The following TACR3 variants were observed in gnomAD, a reference collection of about 807,000 sequenced individuals.
The protein encoded by TACR3 is neuromedin-K receptor.
Under a neutral mutation model 35.0 loss-of-function variants are expected in TACR3, and 34 were observed. The observed-to-expected ratio is 0.97, with a 90% confidence interval of 0.74 to 1.30. The LOEUF is 1.30. TACR3 is among the 50% of genes most tolerant of loss of function. The probability of loss-of-function intolerance (pLI) is 0.00; values close to 1 mark genes in which losing one functional copy is unlikely to be tolerated. For missense variants in TACR3, 558 were observed against 591.7 expected, an observed-to-expected ratio of 0.94 and a Z score of 0.59; for synonymous variants, 233 against 221.1, an observed-to-expected ratio of 1.05 and a Z score of -0.48.
chr4:103,708,986 C>T (rs1722871535), intron 1 of TACR3, among the ~76,000 whole-genome samples: 1 of 152,122 alleles, frequency 6.6e-6, no homozygotes, highest in Admixed American at 6.6e-5. Context: ...AACAAAGCCT[C>T]CAAGAAATAT....
At chr4:103,710,828 G>A (rs543201781) in intron 1 of TACR3, among the ~76,000 whole-genome samples, 1 of 152,266 alleles carries the variant, frequency 6.6e-6, no homozygotes, top group South Asian at 2.1e-4. Flanking sequence ...TGATCCCACG[G>A]AAATACGAAC....
At chr4:103,689,992 C>G (rs371285242) in intron 1 of TACR3, among the ~76,000 whole-genome samples, 2 of 151,932 alleles carry the variant, frequency 1.3e-5, no homozygotes, top group Admixed American at 1.3e-4. Flanking sequence ...ACAAGAGAGC[C>G]ATAATGAAAT....
At chr4:103,596,873 T>C (rs1250642837) in intron 3 of TACR3, among the ~76,000 whole-genome samples, 2 of 151,946 alleles carry the variant, frequency 1.3e-5, no homozygotes, top group African/African-American at 4.8e-5. Context: ...GTCCTTGCGA[T>C]AGTTTGCTGA....
At chr4:103,669,001 C>T (rs1027329458) in intron 1 of TACR3, among the ~76,000 whole-genome samples, 3 of 152,094 alleles carry the variant, frequency 2.0e-5, no homozygotes, top group African/African-American at 7.2e-5. Flanking sequence ...AAATCCACTC[C>T]TCTAGTTATT....
At chr4:103,686,406 A>C (rs150704292) in intron 1 of TACR3, among the ~76,000 whole-genome samples, 1 of 152,186 alleles carries the variant, frequency 6.6e-6, no homozygotes, top group South Asian at 2.1e-4. Context: ...AACCTTTAGA[A>C]ACCAGTCTTA....
Position 103,644,214 on chromosome 4 carries a change from TC to T in TACR3, c.888+11979del, listed in dbSNP as rs1470296601. The stretch of plus-strand genomic sequence containing the variant: ...TATAGAAGGCTCTCCTGATTGCAAG[TC>T]GTACCATGAGGTGGGGTAGATAAAG... On this transcript the variant is annotated intron_variant, in intron 3 of 4. Coordinates refer to ENST00000304883, the MANE Select transcript of TACR3 (RefSeq NM_001059.3). 3.3e-5 allele frequency among the ~76,000 whole-genome samples: 5 copies of T among 151,842 alleles called. No homozygotes were observed. The East Asian group carries it at 7.8e-4, about 24-fold the overall frequency.
intron 3 of TACR3, among the ~76,000 whole-genome samples, chr4:103,648,299 C>T (rs1389625906): frequency 6.6e-6 from 1 of 151,532 alleles, no homozygotes; most frequent in Non-Finnish European, 1.5e-5. Flanking sequence ...TCTAATTATA[C>T]TTTTTTAGTA....
At chr4:103,671,626 A>T (rs1279231667) in intron 1 of TACR3, among the ~76,000 whole-genome samples, 1 of 151,980 alleles carries the variant, frequency 6.6e-6, no homozygotes, top group Non-Finnish European at 1.5e-5. Context: ...TGAGCTATCA[A>T]TTGTAATATC....
intron 1 of TACR3, among the ~76,000 whole-genome samples, chr4:103,706,866 A>G (rs1180601731): frequency 1.3e-5 from 2 of 152,224 alleles, no homozygotes; most frequent in Non-Finnish European, 2.9e-5. Flanking sequence ...AGCTTTTGCC[A>G]TATATTACAA....
chr4:103,639,862 C>T (rs1275107893), intron 3 of TACR3, among the ~76,000 whole-genome samples: 1 of 151,946 alleles, frequency 6.6e-6, no homozygotes, highest in Non-Finnish European at 1.5e-5. Flanking sequence ...GATTCAATGT[C>T]TAATGTATCT....
intron 1 of TACR3, among the ~76,000 whole-genome samples, 162 bp from the exon 2 acceptor site, chr4:103,658,565 A>T (rs916296059): frequency 5.3e-5 from 8 of 152,160 alleles, no homozygotes; most frequent in African/African-American, 1.9e-4. Flanking sequence ...TAGAATGGTA[A>T]TCATGGCATA....
chr4:103,648,379 T>C (rs1330508354), intron 3 of TACR3, among the ~76,000 whole-genome samples: 1 of 152,046 alleles, frequency 6.6e-6, no homozygotes, highest in East Asian at 1.9e-4. Flanking sequence ...TGGGAACTTA[T>C]TCATTCTTCG....
intron 1 of TACR3, among the ~76,000 whole-genome samples, chr4:103,706,858 C>A (rs952518342): frequency 2.8e-4 from 43 of 152,198 alleles, no homozygotes; most frequent in African/African-American, 1.0e-3. Flanking sequence ...ATTCCAAGAG[C>A]TTTTGCCATA....
chr4:103,690,988 C>A (rs570991075), intron 1 of TACR3, among the ~76,000 whole-genome samples: 7 of 152,184 alleles, frequency 4.6e-5, no homozygotes, highest in African/African-American at 1.7e-4. Flanking sequence ...GTATCAATTG[C>A]TGGTTAGAAT....
chr4:103,704,005 G>T (rs992826261), intron 1 of TACR3, among the ~76,000 whole-genome samples: 7 of 149,428 alleles, frequency 4.7e-5, no homozygotes. Flanking sequence ...GCAGGAGGCT[G>T]AGGCAGGAGA....
At chr4:103,600,738 C>T (rs941051240) in intron 3 of TACR3, among the ~76,000 whole-genome samples, 4 of 152,000 alleles carry the variant, frequency 2.6e-5, no homozygotes, top group South Asian at 2.1e-4. Context: ...ATTCAGGAGC[C>T]GGTTGTTCAT....
chr4:103,680,841 T>C (rs752173543), intron 1 of TACR3, among the ~76,000 whole-genome samples: 2 of 151,860 alleles, frequency 1.3e-5, no homozygotes, highest in Non-Finnish European at 2.9e-5. Flanking sequence ...AATAGGGCTA[T>C]TAGGAAATTG....
At chr4:103,672,636 C>A (rs966128070) in intron 1 of TACR3, among the ~76,000 whole-genome samples, 4 of 152,112 alleles carry the variant, frequency 2.6e-5, no homozygotes, top group Admixed American at 2.6e-4. Context: ...AGGGCACTGG[C>A]AGAATAGACA....
rs983855082 is a variant in TACR3, at chr4:103,694,295, G to A, written c.548+24833C>T. Among the ~76,000 whole-genome samples the A allele has an allele frequency of 2.1e-5, 3 of 144,598 alleles. No homozygotes were observed. The East Asian group carries it at 5.8e-4, about 28-fold the overall frequency. 94.9% of individuals were successfully genotyped at this position (144,598 alleles called of 152,430 possible). On this transcript the variant is annotated intron_variant, in intron 1 of 4. Transcript: ENST00000304883. ...TCTATGTGCTTACTTGGGAGTTCCA[G>A]GGACTAATCTTGAGACACACCAAGC...
Sources: allele counts gnomAD v4.1 joint callset (sites outside exome capture counted in the v4.1 genomes callset), GRCh38; gene constraint gnomAD v4.1.1; transcripts MANE v1.5; gene names NCBI Gene and HGNC (gene_info 2026-07-23, HGNC 2026-07-21).